The following SLC9A7 variants were observed in gnomAD, a reference collection of about 807,000 sequenced individuals.
SLC9A7 encodes the protein solute carrier family 9 member A7.
SLC9A7 carries 19 observed loss-of-function variants against 52.6 expected under a neutral mutation model. The ratio of observed to expected loss-of-function variants is 0.36; its 90% CI spans 0.25 to 0.53. The LOEUF is 0.53. SLC9A7 is among the 20% of genes least tolerant of loss of function. The pLI is 0.91. For missense variants in SLC9A7, 455 were observed against 597.9 expected, an observed-to-expected ratio of 0.76 and a Z score of 2.49; for synonymous variants, 226 against 252.1, an observed-to-expected ratio of 0.90 and a Z score of 0.98.
intron 1 of SLC9A7, among the ~76,000 whole-genome samples, chrX:46,746,596 T>A (rs191719724): frequency 8.9e-6 from 1 of 112,365 alleles, no homozygotes; most frequent in East Asian, 2.8e-4. Context: ...TTTTATATCA[T>A]CTCACCCCAG....
intron 7 of SLC9A7, among the ~76,000 whole-genome samples, chrX:46,661,498 C>T (rs1397024734): frequency 9.0e-6 from 1 of 111,690 alleles, no homozygotes; most frequent in African/African-American, 3.3e-5. Context: ...GGATATGATG[C>T]AGGACTCACC....
chrX:46,754,470 T>C (rs1423421070), intron 1 of SLC9A7, among the ~76,000 whole-genome samples: 1 of 111,854 alleles, frequency 8.9e-6, no homozygotes, highest in Non-Finnish European at 1.9e-5. Flanking sequence ...AAGGGGGGAC[T>C]CCTGATTAAC....
chrX:46,608,254 G>C (rs2146666506), intron 16 of SLC9A7, among the ~76,000 whole-genome samples: 1 of 112,803 alleles, frequency 8.9e-6, no homozygotes, highest in African/African-American at 3.2e-5. Context: ...TAGGTGCTAA[G>C]TGAATGCCAG....
chrX:46,631,772 A>G (rs1943226809), intron 13 of SLC9A7, 123 bp from the exon 14 acceptor site: 6 of 512,838 alleles, frequency 1.2e-5, no homozygotes, highest in Non-Finnish European at 1.7e-5. Context: ...AGGAGTGGTT[A>G]GCTAAAAGGT....
At chrX:46,658,224 T>C (rs1388924405) in intron 7 of SLC9A7, among the ~76,000 whole-genome samples, 1 of 102,987 alleles carries the variant, frequency 9.7e-6, no homozygotes, top group East Asian at 3.0e-4. Context: ...TTCAAAGCAG[T>C]GTGTAGAGGG....
intron 1 of SLC9A7, among the ~76,000 whole-genome samples, chrX:46,722,815 C>T (rs1304950422): frequency 8.9e-6 from 1 of 112,084 alleles, no homozygotes; most frequent in African/African-American, 3.2e-5. Flanking sequence ...GAAGATTCTT[C>T]CTTAGTAAGC....
Position 46,603,226 on chromosome X carries a change from T to G in SLC9A7, c.*3726A>C, listed in dbSNP as rs188339317. On this transcript the variant is annotated 3_prime_UTR_variant, in exon 17 of 17. Coordinates refer to ENST00000616978, the MANE Select transcript of SLC9A7 (RefSeq NM_001257291.2). ...CCATCCCCAACCCACCTTGTTTACA[T>G]TGGAACTACACTGTCGTAGACAGCA... The G allele has an allele frequency of 9.0e-6, 1 of 111,389 alleles. No homozygotes were observed. Among genetic ancestry groups the G allele is most frequent in the Admixed American group, 9.5e-5 (1 of 10,472 alleles). The allele number at this position is 111,389 out of a possible 1,213,427, so 9.2% of individuals were successfully genotyped here. A position where few individuals can be genotyped will look rare whatever the true frequency, so the allele number is the denominator to read the frequency against.
At chrX:46,739,487 C>A (rs1029223574) in intron 1 of SLC9A7, among the ~76,000 whole-genome samples, 1 of 110,489 alleles carries the variant, frequency 9.1e-6, no homozygotes, top group African/African-American at 3.3e-5. Flanking sequence ...GCTATGTGTT[C>A]TCCATGGCTG....
At chrX:46,717,199 T>C (rs757064725) in intron 1 of SLC9A7, among the ~76,000 whole-genome samples, 115 of 112,462 alleles carry the variant, frequency 1.0e-3, no homozygotes, top group African/African-American at 3.4e-3. Flanking sequence ...ACATTATACA[T>C]ACTAATTATA....
At chrX:46,617,018 C>T (rs1298869475) in intron 15 of SLC9A7, among the ~76,000 whole-genome samples, 1 of 111,534 alleles carries the variant, frequency 9.0e-6, no homozygotes, top group Non-Finnish European at 1.9e-5. Flanking sequence ...GGTACTTTTC[C>T]TCCAAAGTCT....
chrX:46,658,345 T>C (rs1200434336), intron 7 of SLC9A7, among the ~76,000 whole-genome samples: 1 of 99,320 alleles, frequency 1.0e-5, no homozygotes, highest in Non-Finnish European at 2.0e-5. Flanking sequence ...ATTCAAAAGC[T>C]AGCAGAAGGC....
intron 7 of SLC9A7, among the ~76,000 whole-genome samples, chrX:46,657,733 G>A (rs897925938): frequency 2.7e-5 from 3 of 111,292 alleles, no homozygotes; most frequent in Admixed American, 9.6e-5. Flanking sequence ...CAAGTCCTGA[G>A]TGACCTACAA....
chrX:46,632,852 C>G (rs1943244067), intron 13 of SLC9A7, among the ~76,000 whole-genome samples: 1 of 111,555 alleles, frequency 9.0e-6, no homozygotes, highest in East Asian at 2.8e-4. Flanking sequence ...CTTGAGAACT[C>G]ACACATTTGA....
chrX:46,758,811 G>A lies in SLC9A7; in HGVS notation c.219C>T (p.Ser73=), dbSNP rs377040586. 8.3e-7 allele frequency: 1 copy of A among 1,207,490 alleles called. No individual in the cohort carries two copies. The highest frequency in any genetic ancestry group is 1.1e-6 in the Non-Finnish European group (1 of 893,410). The change falls in exon 1 of 17, where the codon AGC becomes AGT. Residue 73 remains serine, a synonymous_variant. Coordinates refer to ENST00000616978, the MANE Select transcript of SLC9A7 (RefSeq NM_001257291.2). ...TGAGCAGCAGGATGAAGGTGAGCAGGCTCACGCTGTCTTGCCGGTGGCTCT... is the reference window on the plus strand; with the variant it reads ...TGAGCAGCAGGATGAAGGTGAGCAGACTCACGCTGTCTTGCCGGTGGCTCT... ...AEESHRQDSV[S]LLTFILLLTL...
chrX:46,707,888 C>T (rs1372140497), intron 1 of SLC9A7, among the ~76,000 whole-genome samples: 1 of 112,211 alleles, frequency 8.9e-6, no homozygotes, highest in African/African-American at 3.2e-5. Context: ...TACAGGTGCA[C>T]GCCACCATGC....
intron 1 of SLC9A7, chrX:46,725,461 G>A (rs879221321): frequency 3.7e-6 from 4 of 1,069,391 alleles, no homozygotes; most frequent in East Asian, 3.0e-5. Context: ...ACTTGCTTGT[G>A]TGCCTTCTTC....
Position 46,701,308 on chromosome X carries a change from C to T in SLC9A7, c.326-18773G>A, listed in dbSNP as rs144684191. Among the ~76,000 whole-genome samples the T allele has an allele frequency of 6.3e-3, 703 of 111,688 alleles. 3 individuals carry two copies. The highest frequency in any genetic ancestry group is 0.014 in the Middle Eastern group (3 of 217). ...TCCCCTTAAAAGCTCTTATTATGGGCCGGGCGCGGTGGCTCACACCTGTAA... is the reference window on the plus strand; with the variant it reads ...TCCCCTTAAAAGCTCTTATTATGGGTCGGGCGCGGTGGCTCACACCTGTAA... On this transcript the variant is annotated intron_variant, in intron 1 of 16. Coordinates refer to ENST00000616978, the MANE Select transcript of SLC9A7 (RefSeq NM_001257291.2).
chrX:46,645,980 CT>C (rs756895656), intron 11 of SLC9A7, among the ~76,000 whole-genome samples: 6 of 112,125 alleles, frequency 5.4e-5, no homozygotes, highest in Admixed American at 9.4e-5. Context: ...TATTTATATA[CT>C]TTTTTTTGTA....
chrX:46,674,702 C>T (rs1007468151), intron 3 of SLC9A7, among the ~76,000 whole-genome samples: 29 of 111,557 alleles, frequency 2.6e-4, no homozygotes, highest in African/African-American at 8.8e-4. Flanking sequence ...AGGAGGTGTC[C>T]GGTAAAATCC....
Sources: gnomAD v4.1 joint callset for allele counts (sites outside exome capture counted in the v4.1 genomes callset) on GRCh38, gnomAD v4.1.1 for gene constraint, MANE v1.5 for transcripts, NCBI Gene and HGNC (gene_info 2026-07-23, HGNC 2026-07-21) for gene names.